Variants in SERPINB6 observed in about 807,000 individuals in gnomAD.
SERPINB6 encodes the protein serpin B6.
Under a neutral mutation model 26.1 loss-of-function variants are expected in SERPINB6, and 16 were observed. The ratio of observed to expected loss-of-function variants is 0.61; its 90% CI spans 0.42 to 0.93. SERPINB6 has a LOEUF of 0.93. Among genes scored for constraint, SERPINB6 ranks in the 40% least tolerant of loss-of-function variants. The pLI is 0.00. For missense variants in SERPINB6, 420 were observed against 478.0 expected (o/e 0.88, Z 1.13); for synonymous variants, 174 against 176.6 (o/e 0.99, Z 0.11).
At position 2,948,728 on chromosome 6, in the gene SERPINB6, A is replaced by T. The variant is rs1472323828; in HGVS notation, c.730-29T>A. 6.2e-7 allele frequency: 1 copy of T among 1,610,676 alleles called. No homozygotes were observed. The highest frequency in any genetic ancestry group is 1.1e-5 in the South Asian group (1 of 90,972). On this transcript the variant is annotated intron_variant, in intron 6 of 6. Transcript: ENST00000380539. The surrounding 1 kb of genome is among the most constrained non-coding windows in gnomAD (Gnocchi z 5.0). ...GAGGGAGACAGTTGAAGACTTTAAGACCCAGGGTGCTGCTGCCCAGCAGGG... is the reference window on the plus strand; with the variant it reads ...GAGGGAGACAGTTGAAGACTTTAAGTCCCAGGGTGCTGCTGCCCAGCAGGG...
chr6:2,965,262 G>A (rs1027555947), intron 1 of SERPINB6, among the ~76,000 whole-genome samples: 2 of 151,880 alleles, frequency 1.3e-5, no homozygotes, highest in Admixed American at 1.3e-4. Context: ...CATATGCTTC[G>A]ACACAAGGAA....
chr6:2,963,261 T>C (rs1771311742), intron 1 of SERPINB6: 1 of 152,160 alleles, frequency 6.6e-6, no homozygotes. Flanking sequence ...AGTTTCAACT[T>C]CAGAAAAAAA....
At chr6:2,955,828 G>C in intron 2 of SERPINB6, 158 bp from the exon 3 acceptor site, 1 of 760,492 alleles carries the variant, frequency 1.3e-6, no homozygotes, top group Non-Finnish European at 2.1e-6. Flanking sequence ...TATAATCCCA[G>C]CACTTTGGGA....
chr6:2,966,373 A>C, intron 1 of SERPINB6: 1 of 986,938 alleles, frequency 1.0e-6, no homozygotes, highest in East Asian at 1.1e-4. Flanking sequence ...TCTTTAAATT[A>C]GTTACTTTCC....
chr6:2,951,919 G>A (rs147457405), intron 5 of SERPINB6, among the ~76,000 whole-genome samples: 10 of 152,134 alleles, frequency 6.6e-5, no homozygotes, highest in African/African-American at 1.7e-4. Context: ...CCCTGCCACC[G>A]GGACTGCTGA....
At chr6:2,959,140 T>C in intron 2 of SERPINB6, 28 bp downstream of exon 2, 21 of 1,614,002 alleles carry the variant, frequency 1.3e-5, no homozygotes, top group Non-Finnish European at 1.8e-5. Context: ...TGACAGTTAA[T>C]AGCACCATGG....
chr6:2,969,888 G>A (rs1046581618), intron 1 of SERPINB6: 7 of 872,628 alleles, frequency 8.0e-6, no homozygotes, highest in Non-Finnish European at 9.6e-6. Flanking sequence ...TGTAATCCCA[G>A]CACTTTGGGA....
At chr6:2,949,128 A>C in intron 5 of SERPINB6, 59 bp from the exon 6 acceptor site, 1 of 1,573,172 alleles carries the variant, frequency 6.4e-7, no homozygotes, top group South Asian at 1.1e-5. Flanking sequence ...ACATGGGACA[A>C]ATGTGTCGGA....
intron 1 of SERPINB6, chr6:2,970,246 G>A (rs1030214433): frequency 2.2e-5 from 22 of 985,200 alleles, no homozygotes; most frequent in Non-Finnish European, 2.5e-5. Context: ...ACTGTTACTG[G>A]TCCGTGTTAA....
chr6:2,971,358 G>C (rs1271899529), intron 1 of SERPINB6, 175 bp downstream of exon 1: 1 of 209,164 alleles, frequency 4.8e-6, no homozygotes, highest in African/African-American at 2.4e-5. Flanking sequence ...GCCCCGCGCG[G>C]CCACGCCCCA....
At chr6:2,963,349 C>G (rs886478490) in intron 1 of SERPINB6, 1 of 152,168 alleles carries the variant, frequency 6.6e-6, no homozygotes, top group Non-Finnish European at 1.5e-5. Flanking sequence ...GCTGAGAACA[C>G]CTACGTTTTA....
In SERPINB6 at chr6:2,948,196, A is replaced by T. The variant is rs930906477; in HGVS notation, c.*102T>A. The T allele has an allele frequency of 2.2e-6, 3 of 1,343,428 alleles. No homozygotes were observed. The African/African-American group carries it at 4.3e-5, about 19-fold the overall frequency. The allele number at this position is 1,343,428 out of a possible 1,614,324, so 83.2% of individuals were successfully genotyped here. A position where few individuals can be genotyped will look rare whatever the true frequency, so the allele number is the denominator to read the frequency against. On this transcript the variant is annotated 3_prime_UTR_variant, in exon 7 of 7. Transcript: ENST00000380539. The surrounding 1 kb of genome is among the most constrained non-coding windows in gnomAD (Gnocchi z 5.0). ...CCCACAAATGGGCCCTTTATTTCTGAACTGCCACCACTGCACGGATAAGGC... is the reference window on the plus strand; with the variant it reads ...CCCACAAATGGGCCCTTTATTTCTGTACTGCCACCACTGCACGGATAAGGC...
Position 2,970,029 on chromosome 6 carries a change from G to A in SERPINB6, c.-11+1504C>T, listed in dbSNP as rs998100843. 58 of 946,448 alleles carry A rather than the reference G, an allele frequency of 6.1e-5. 1 individual carries two copies. The highest frequency in any genetic ancestry group is 6.9e-5 in the Non-Finnish European group (56 of 811,140). 58.6% of individuals were successfully genotyped at this position (946,448 alleles called of 1,614,324 possible). ...CGGGAGGTGGAGGTTGCAGTCAGCCGAAATCGCACCACTGCACTCCAGCCT... is the reference window on the plus strand; with the variant it reads ...CGGGAGGTGGAGGTTGCAGTCAGCCAAAATCGCACCACTGCACTCCAGCCT... On this transcript the variant is annotated intron_variant, in intron 1 of 6. Transcript: ENST00000380539.
intron 1 of SERPINB6, chr6:2,968,668 T>C (rs1771856089): frequency 9.8e-6 from 12 of 1,228,138 alleles, no homozygotes; most frequent in Non-Finnish European, 1.2e-5. Context: ...TTTGCTTTAT[T>C]TTATTTAGGT....
At chr6:2,968,718 C>A in intron 1 of SERPINB6, 1 of 1,231,386 alleles carries the variant, frequency 8.1e-7, no homozygotes, top group Non-Finnish European at 1.0e-6. Context: ...TTCCTAACAA[C>A]CCTTGGATGT....
Position 2,948,780 on chromosome 6 carries a change from C to T in SERPINB6, c.730-81G>A. The T allele has an allele frequency of 6.4e-6, 10 of 1,563,256 alleles. No homozygotes were observed. In the South Asian group the frequency reaches 8.9e-5, roughly 14 times the overall value. On this transcript the variant is annotated intron_variant, in intron 6 of 6. Coordinates refer to ENST00000380539, the MANE Select transcript of SERPINB6 (RefSeq NM_004568.6). The surrounding 1 kb of genome is among the most constrained non-coding windows in gnomAD (Gnocchi z 5.0). ...CCTGTGCTATGCTGTGGATGCCAGA[C>T]ACCAGTGGCAGCGTGGCTATGGTCA...
At position 2,970,997 on chromosome 6, in the gene SERPINB6, T is replaced by TC; in HGVS notation, c.-11+535dup. 4 of 1,219,774 alleles carry TC rather than the reference T, an allele frequency of 3.3e-6. No homozygotes were observed. The African/African-American group carries it at 4.7e-5, about 14-fold the overall frequency. 75.6% of individuals were successfully genotyped at this position (1,219,774 alleles called of 1,614,324 possible). The stretch of plus-strand genomic sequence containing the variant: ...ATGGCACCGTTTGGCGCCGAACCCC[T>TC]CGGCCTCTCTCCGCCTCCCGCCCGG... On this transcript the variant is annotated intron_variant, in intron 1 of 6. Coordinates refer to ENST00000380539, the MANE Select transcript of SERPINB6 (RefSeq NM_004568.6).
intron 1 of SERPINB6, among the ~76,000 whole-genome samples, chr6:2,961,688 G>A (rs1581263947): frequency 6.6e-6 from 1 of 152,092 alleles, no homozygotes; most frequent in Admixed American, 6.5e-5. Flanking sequence ...CTGGGGACAT[G>A]GACTTCTGTC....
intron 5 of SERPINB6, among the ~76,000 whole-genome samples, chr6:2,950,177 G>C (rs1769615233): frequency 6.6e-6 from 1 of 152,238 alleles, no homozygotes; most frequent in East Asian, 1.9e-4. Flanking sequence ...ACCAGGGCAA[G>C]CATGCTTTGC....
Sources: allele counts gnomAD v4.1 joint callset (sites outside exome capture counted in the v4.1 genomes callset), GRCh38; gene constraint gnomAD v4.1.1; non-coding constraint Gnocchi (gnomAD v3.1); transcripts MANE v1.5; gene names NCBI Gene and HGNC (gene_info 2026-07-23, HGNC 2026-07-21).